The following C2CD2 variants were observed in gnomAD, a reference collection of about 807,000 sequenced individuals.
The protein encoded by C2CD2 is C2 domain-containing protein 2.
Under a neutral mutation model 74.3 loss-of-function variants are expected in C2CD2, and 43 were observed. The ratio of observed to expected loss-of-function variants is 0.58; its 90% CI spans 0.45 to 0.75. C2CD2 has a LOEUF of 0.75. Ranked by LOEUF, C2CD2 falls within the 30% of genes least tolerant of loss-of-function variation. The pLI, the probability that C2CD2 is intolerant of heterozygous loss-of-function variation, is 0.00. For synonymous variants in C2CD2, 422 were observed against 390.7 expected (o/e 1.08, Z -0.94); for missense variants, 801 against 916.3 (o/e 0.87, Z 1.63).
chr21:41,940,953 G>T (rs1382231577), intron 2 of C2CD2, among the ~76,000 whole-genome samples: 3 of 151,978 alleles, frequency 2.0e-5, no homozygotes, highest in Non-Finnish European at 4.4e-5. Flanking sequence ...TATTAATGGG[G>T]AAAATTCAGA....
rs1212805753 is a variant in C2CD2 at position 41,903,955 on chromosome 21, C to T, written c.1432+1769G>A. On this transcript the variant is annotated intron_variant, in intron 11 of 13. Transcript: ENST00000380486. This position sits in a 1 kb window ranked among gnomAD's most constrained non-coding sequence, Gnocchi z 4.5. ...GGCAAAAGCATCAGCGGCATTAGTACCAGAGCGGCTCCAGCTCAAATAAGG... is the reference window on the plus strand; with the variant it reads ...GGCAAAAGCATCAGCGGCATTAGTATCAGAGCGGCTCCAGCTCAAATAAGG... 6.6e-6 allele frequency among the ~76,000 whole-genome samples: 1 copy of T among 152,170 alleles called. No homozygotes were observed. The highest frequency in any genetic ancestry group is 6.5e-5 in the Admixed American group (1 of 15,286).
intron 3 of C2CD2, 92 bp downstream of exon 3, chr21:41,921,880 C>T (rs994978833): frequency 2.3e-5 from 17 of 739,042 alleles, no homozygotes; most frequent in South Asian, 4.9e-5. Context: ...AAAACATGAA[C>T]GTTACAGCCC....
In C2CD2 at chr21:41,899,220, G is replaced by A. The variant is rs752328590; in HGVS notation, c.1703C>T (p.Ala568Val). 6.2e-7 allele frequency: 1 copy of A among 1,612,530 alleles called. No homozygotes were observed. Among genetic ancestry groups the A allele is most frequent in the Non-Finnish European group, 8.5e-7 (1 of 1,179,550 alleles). Reference protein sequence around the residue: ...APPEEAESAQASLAPKPQEDE... With the variant: ...APPEEAESAQVSLAPKPQEDE... ...CTCCTGGGGCTTGGGGGCAAGGGAT[G>A]CCTGGGCTGACTCGGCTTCCTCTGG... The change falls in exon 13 of 14, where the codon GCA becomes GTA. Residue 568 changes from alanine (A) to valine (V), a missense_variant. By Grantham distance (64) the Ala-to-Val change is moderately conservative. Coordinates refer to ENST00000380486, the MANE Select transcript of C2CD2 (RefSeq NM_015500.2). The surrounding 1 kb of genome is among the most constrained non-coding windows in gnomAD (Gnocchi z 4.4).
intron 1 of C2CD2, among the ~76,000 whole-genome samples, chr21:41,949,462 G>A (rs1456795992): frequency 6.6e-6 from 1 of 152,158 alleles, no homozygotes; most frequent in Non-Finnish European, 1.5e-5. Context: ...CACACCAAGT[G>A]GAGAGGCAAG....
chr21:41,897,724 A>G (rs2064840922), intron 13 of C2CD2, among the ~76,000 whole-genome samples: 1 of 152,158 alleles, frequency 6.6e-6, no homozygotes, highest in Non-Finnish European at 1.5e-5. Context: ...TGGGAGAGGG[A>G]GGCCGCCGTG....
chr21:41,929,101 G>GT lies in C2CD2; in HGVS notation c.379-7017dup, dbSNP rs1261304937. 2.1e-5 allele frequency among the ~76,000 whole-genome samples: 3 copies of GT among 146,224 alleles called. No homozygotes were observed. The East Asian group carries it at 5.9e-4, about 29-fold the overall frequency. ...CCCACCTCTAAAAAATATTTAAAAA[G>GT]TAAAAAAAAAAAAAAGTAATAAAAA... On this transcript the variant is annotated intron_variant, in intron 2 of 13. Transcript: ENST00000380486. The surrounding 1 kb of genome is among the most constrained non-coding windows in gnomAD (Gnocchi z 4.6).
rs759130647 is a variant in C2CD2, at chr21:41,899,942, T to C, written c.1561-580A>G. On this transcript the variant is annotated intron_variant, in intron 12 of 13. Coordinates refer to ENST00000380486, the MANE Select transcript of C2CD2 (RefSeq NM_015500.2). This position sits in a 1 kb window ranked among gnomAD's most constrained non-coding sequence, Gnocchi z 4.4. ...CTCCCTTCCTTGGAGGGGAGAAAGT[T>C]TGGGGAGGAGGGCATGGGGGCTCCC... is the stretch of plus-strand genomic sequence containing the variant. 1.3e-5 allele frequency among the ~76,000 whole-genome samples: 2 copies of C among 150,838 alleles called. No homozygotes were observed. The highest frequency in any genetic ancestry group is 3.0e-5 in the Non-Finnish European group (2 of 67,672).
rs142937020 is a variant in C2CD2, at chr21:41,925,455, G to T, written c.379-3370C>A. Among the ~76,000 whole-genome samples, 843 of 152,286 alleles carry T rather than the reference G, an allele frequency of 5.5e-3. 2 individuals are homozygous for T. Among genetic ancestry groups the T allele is most frequent in the Non-Finnish European group, 8.0e-3 (546 of 68,036 alleles). On this transcript the variant is annotated intron_variant, in intron 2 of 13. Coordinates refer to ENST00000380486, the MANE Select transcript of C2CD2 (RefSeq NM_015500.2). ...GCCGTGATTGTGCCACTGCGTTCCA[G>T]CAGAAAGAAACATTCTGAACCTGCC...
rs942652756 is a variant in C2CD2, at chr21:41,945,096, C to A, written c.280-2851G>T. ...AAACTACTTCATGCATATACTAGAA[C>A]TGAACACATAAGTAGTAAGTAAATA... On this transcript the variant is annotated intron_variant, in intron 1 of 13. Coordinates refer to ENST00000380486, the MANE Select transcript of C2CD2 (RefSeq NM_015500.2). This position sits in a 1 kb window ranked among gnomAD's most constrained non-coding sequence, Gnocchi z 4.2. 6.6e-6 allele frequency among the ~76,000 whole-genome samples: 1 copy of A among 152,170 alleles called. No individual in the cohort carries two copies. Among genetic ancestry groups the A allele is most frequent in the African/African-American group, 2.4e-5 (1 of 41,450 alleles).
At chr21:41,933,951 G>A (rs1249642068) in intron 2 of C2CD2, among the ~76,000 whole-genome samples, 7 of 152,110 alleles carry the variant, frequency 4.6e-5, no homozygotes, top group African/African-American at 7.2e-5. Flanking sequence ...ACAAGAGTCC[G>A]TGTGTGTGTG....
chr21:41,912,638 ACG>A (rs2065041163), intron 6 of C2CD2, among the ~76,000 whole-genome samples, 198 bp from the exon 7 acceptor site: 1 of 151,940 alleles, frequency 6.6e-6, no homozygotes. Context: ...TTACAGGCGC[ACG>A]CCTCCACGCT....
At chr21:41,916,586 C>G (rs2065093667) in intron 5 of C2CD2, among the ~76,000 whole-genome samples, 1 of 151,764 alleles carries the variant, frequency 6.6e-6, no homozygotes, top group Non-Finnish European at 1.5e-5. Flanking sequence ...TAGAATTACC[C>G]CACAGACTCT....
rs2064703541 is a variant in C2CD2, at chr21:41,887,938, A to T, written c.*1186T>A. On this transcript the variant is annotated 3_prime_UTR_variant, in exon 14 of 14. Transcript: ENST00000380486. Reference sequence around the variant, plus strand: ...GAGATCTGTGAATGAACTGAAATAGAAAGGCAACTGATGAGGAAAGCGACT... The same window carrying T: ...GAGATCTGTGAATGAACTGAAATAGTAAGGCAACTGATGAGGAAAGCGACT... The T allele has an allele frequency of 6.6e-6, 1 of 152,348 alleles. No homozygotes were observed. The highest frequency in any genetic ancestry group is 1.9e-4 in the East Asian group (1 of 5,208). 9.4% of individuals were successfully genotyped at this position (152,348 alleles called of 1,614,324 possible).
At position 41,889,288 on chromosome 21, in the gene C2CD2, C is replaced by T. The variant is rs749728451; in HGVS notation, c.1927G>A (p.Asp643Asn). The T allele has an allele frequency of 6.2e-7, 1 of 1,614,098 alleles. No homozygotes were observed. Among genetic ancestry groups the T allele is most frequent in the South Asian group, 1.1e-5 (1 of 91,064 alleles). ...LFFRRRHQQKDPGMSQSHNDL... is the reference protein window; with the variant it reads ...LFFRRRHQQKNPGMSQSHNDL... ...TTGTGTGACTGACTCATGCCTGGGT[C>T]TTTCTGTTGATGCCGCCGGCGGAAG... Residue 643 changes from aspartate to asparagine, a missense_variant, in exon 14 of 14, where the codon GAC (aspartate) becomes AAC (asparagine). Transcript: ENST00000380486.
Position 41,945,202 on chromosome 21 carries a change from C to T in C2CD2, c.280-2957G>A, listed in dbSNP as rs778363800. Among the ~76,000 whole-genome samples, 8 of 152,138 alleles carry T rather than the reference C, an allele frequency of 5.3e-5. No homozygotes were observed. The highest frequency in any genetic ancestry group is 8.8e-5 in the Non-Finnish European group (6 of 68,020). On this transcript the variant is annotated intron_variant, in intron 1 of 13. Transcript: ENST00000380486. This position sits in a 1 kb window ranked among gnomAD's most constrained non-coding sequence, Gnocchi z 4.2. ...TGAAAAAACTAAAATGAACTCTGTA[C>T]CGTTGGACTAGAACCCAAGGTACAG...
chr21:41,916,696 C>T (rs1211618305), intron 5 of C2CD2, among the ~76,000 whole-genome samples: 1 of 151,790 alleles, frequency 6.6e-6, no homozygotes, highest in Non-Finnish European at 1.5e-5. Flanking sequence ...CACACACACA[C>T]ACACACACAC....
intron 2 of C2CD2, among the ~76,000 whole-genome samples, chr21:41,928,213 C>T (rs2065231798): frequency 6.6e-6 from 1 of 152,216 alleles, no homozygotes; most frequent in Non-Finnish European, 1.5e-5. Context: ...CTCCTACGCC[C>T]CATGCTCTGT....
intron 1 of C2CD2, among the ~76,000 whole-genome samples, chr21:41,950,997 G>A (rs2065445883): frequency 6.6e-6 from 1 of 152,180 alleles, no homozygotes; most frequent in South Asian, 2.1e-4. Flanking sequence ...GTCCAGGCGA[G>A]AGCGGGCTTG....
Position 41,888,291 on chromosome 21 carries a change from A to T in C2CD2, c.*833T>A, listed in dbSNP as rs913511301. On this transcript the variant is annotated 3_prime_UTR_variant, in exon 14 of 14. Coordinates refer to ENST00000380486, the MANE Select transcript of C2CD2 (RefSeq NM_015500.2). ...CGTATGGCTCCTGACTTCATCTGAC[A>T]GGCCCGCTGTGCTCTTGTTTAGCAA... The T allele has an allele frequency of 5.2e-5, 8 of 152,600 alleles. No homozygotes were observed. Among genetic ancestry groups the T allele is most frequent in the Non-Finnish European group, 8.8e-5 (6 of 68,022 alleles). The allele number at this position is 152,600 out of a possible 1,614,324, so 9.5% of individuals were successfully genotyped here. A position where few individuals can be genotyped will look rare whatever the true frequency, so the allele number is the denominator to read the frequency against.
Sources: allele counts gnomAD v4.1 joint callset (sites outside exome capture counted in the v4.1 genomes callset), GRCh38; gene constraint gnomAD v4.1.1; non-coding constraint Gnocchi (gnomAD v3.1); transcripts MANE v1.5; gene names NCBI Gene and HGNC (gene_info 2026-07-23, HGNC 2026-07-21).